ADAMTS17: variants seen among roughly 807,000 people sequenced by gnomAD.
ADAMTS17 encodes the protein A disintegrin and metalloproteinase with thrombospondin motifs 17.
ADAMTS17 carries 113 observed loss-of-function variants against 141.5 expected under a neutral mutation model. The observed-to-expected ratio is 0.80, with a 90% CI of 0.69 to 0.93. ADAMTS17 has a LOEUF of 0.93. Ranked by LOEUF, ADAMTS17 falls within the 40% of genes least tolerant of loss-of-function variation. The pLI, the probability that ADAMTS17 is intolerant of heterozygous loss-of-function variation, is 0.00. For synonymous variants in ADAMTS17, 768 were observed against 630.6 expected, an observed-to-expected ratio of 1.22 and a Z score of -3.27; for missense variants, 1,659 against 1,517.9, an observed-to-expected ratio of 1.09 and a Z score of -1.54.
chr15:100,041,580 G>A (rs2031259468), intron 18 of ADAMTS17, among the ~76,000 whole-genome samples: 2 of 152,328 alleles, frequency 1.3e-5, no homozygotes, highest in South Asian at 4.1e-4. Flanking sequence ...GCAAGGTGAA[G>A]GCTGCTGGCC....
intron 8 of ADAMTS17, among the ~76,000 whole-genome samples, chr15:100,187,823 C>A (rs1260563986): frequency 1.3e-5 from 2 of 152,110 alleles, no homozygotes; most frequent in African/African-American, 4.8e-5. Context: ...CTTCTGCCCC[C>A]AAACTGAAAA....
chr15:100,249,939 G>A (rs1181746874), intron 7 of ADAMTS17, among the ~76,000 whole-genome samples: 2 of 152,220 alleles, frequency 1.3e-5, no homozygotes, highest in African/African-American at 2.4e-5. Context: ...AGGGCTGATC[G>A]CCTTCTTCAC....
intron 7 of ADAMTS17, among the ~76,000 whole-genome samples, chr15:100,199,798 T>G (rs1339826836): frequency 6.6e-6 from 1 of 152,142 alleles, no homozygotes; most frequent in Non-Finnish European, 1.5e-5. Context: ...CTGTCTAACT[T>G]CAGCGCCTAG....
intron 20 of ADAMTS17, among the ~76,000 whole-genome samples, chr15:99,991,219 T>G (rs1185312529): frequency 1.3e-5 from 2 of 152,106 alleles, no homozygotes; most frequent in Non-Finnish European, 2.9e-5. Context: ...GAAACTAGCA[T>G]CAGAGTGAAC....
intron 7 of ADAMTS17, among the ~76,000 whole-genome samples, chr15:100,210,598 T>A (rs2041768476): frequency 6.6e-6 from 1 of 152,210 alleles, no homozygotes; most frequent in Non-Finnish European, 1.5e-5. Flanking sequence ...CAGAAGGATT[T>A]CAACTGCAGG....
intron 9 of ADAMTS17, among the ~76,000 whole-genome samples, chr15:100,153,907 G>A (rs11247162): frequency 0.43 from 65,344 of 151,906 alleles, 15,486 homozygotes; most frequent in Non-Finnish European, 0.54. Context: ...TTGGCCGGGC[G>A]CGGTAGCTCA....
chr15:100,161,244 C>T (rs962434697), intron 8 of ADAMTS17, among the ~76,000 whole-genome samples: 5 of 152,206 alleles, frequency 3.3e-5, no homozygotes, highest in East Asian at 1.9e-4. Context: ...TCCTGGCTTC[C>T]GAATCTCGCA....
chr15:100,025,744 C>A (rs2061501518), intron 18 of ADAMTS17, among the ~76,000 whole-genome samples: 1 of 152,058 alleles, frequency 6.6e-6, no homozygotes, highest in South Asian at 2.1e-4. Context: ...TTTCTTTTAA[C>A]CAGTAAGCTA....
chr15:100,209,586 C>T (rs532890559), intron 7 of ADAMTS17, among the ~76,000 whole-genome samples: 12 of 147,312 alleles, frequency 8.1e-5, no homozygotes, highest in Admixed American at 3.4e-4. Flanking sequence ...ATAAAAATGA[C>T]GGCATTACAT....
intron 3 of ADAMTS17, among the ~76,000 whole-genome samples, chr15:100,293,200 A>ATT: frequency 6.6e-6 from 1 of 151,872 alleles, no homozygotes; most frequent in Non-Finnish European, 1.5e-5. Flanking sequence ...AAAAGTGGGG[A>ATT]GGATGGGAGT....
At chr15:100,076,129 A>C (rs2034358013) in intron 15 of ADAMTS17, among the ~76,000 whole-genome samples, 1 of 151,896 alleles carries the variant, frequency 6.6e-6, no homozygotes, top group Non-Finnish European at 1.5e-5. Flanking sequence ...TGCAACCTCC[A>C]CCTTCCGGGT....
At chr15:100,079,304 C>T (rs2034580258) in intron 15 of ADAMTS17, among the ~76,000 whole-genome samples, 1 of 152,158 alleles carries the variant, frequency 6.6e-6, no homozygotes, top group Non-Finnish European at 1.5e-5. Context: ...AATCCAAATA[C>T]CAATCAACCA....
chr15:100,226,284 T>C (rs1315133739), intron 7 of ADAMTS17, among the ~76,000 whole-genome samples: 1 of 152,228 alleles, frequency 6.6e-6, no homozygotes, highest in Non-Finnish European at 1.5e-5. Flanking sequence ...TCTGGGTCCT[T>C]GGAGTTCCCA....
At chr15:100,254,984 C>T (rs148528133) in intron 6 of ADAMTS17, among the ~76,000 whole-genome samples, 2,007 of 150,332 alleles carry the variant, frequency 0.013, 42 homozygotes, top group African/African-American at 0.046. Flanking sequence ...GCACATCCTG[C>T]ACATGTGCCC....
chr15:100,011,313 A>AAGG (rs2061167713), intron 18 of ADAMTS17, among the ~76,000 whole-genome samples: 1 of 145,372 alleles, frequency 6.9e-6, no homozygotes, highest in Non-Finnish European at 1.5e-5. Context: ...GAGGGAAGGA[A>AAGG]AGGAGGGATG....
chr15:100,173,508 C>T (rs1355389141), intron 8 of ADAMTS17, among the ~76,000 whole-genome samples: 1 of 152,178 alleles, frequency 6.6e-6, no homozygotes, highest in Non-Finnish European at 1.5e-5. Flanking sequence ...TCACTTACCT[C>T]CTCTCCTGCC....
chr15:100,116,009 C>T (rs934112427), intron 13 of ADAMTS17, among the ~76,000 whole-genome samples: 3 of 151,884 alleles, frequency 2.0e-5, no homozygotes, highest in South Asian at 2.1e-4. Flanking sequence ...GCTTGTTTTG[C>T]GTATTAAATG....
intron 9 of ADAMTS17, among the ~76,000 whole-genome samples, chr15:100,154,052 G>A (rs186991604): frequency 5.3e-4 from 81 of 152,238 alleles, no homozygotes; most frequent in Admixed American, 1.9e-3. Context: ...GTGGTGGCAC[G>A]TGCCGGTAAT....
chr15:100,219,600 GCCT>G (rs1340673864), intron 7 of ADAMTS17, among the ~76,000 whole-genome samples: 1 of 152,136 alleles, frequency 6.6e-6, no homozygotes, highest in African/African-American at 2.4e-5. Context: ...GAGGCAAACT[GCCT>G]CCTAACGCAT....
Sources: allele counts gnomAD v4.1 joint callset (sites outside exome capture counted in the v4.1 genomes callset), GRCh38; gene constraint gnomAD v4.1.1; transcripts MANE v1.5; gene names NCBI Gene and HGNC (gene_info 2026-07-23, HGNC 2026-07-21).